CDK6: variants seen among roughly 807,000 people sequenced by gnomAD.
The protein encoded by CDK6 is cyclin dependent kinase 6, also known as cyclin-dependent kinase 6.
A neutral mutation model predicts 37.1 loss-of-function variants in CDK6; 6 were observed. That is an observed-to-expected ratio of 0.16 (90% confidence interval 0.09 to 0.32). The LOEUF is 0.32. CDK6 is among the 10% of genes least tolerant of loss of function. The pLI is 1.00. For synonymous variants in CDK6, 160 were observed against 161.3 expected (o/e 0.99, Z 0.06); for missense variants, 224 against 418.9 (o/e 0.53, Z 4.06).
chr7:92,771,200 C>T (rs1388439167), intron 3 of CDK6, among the ~76,000 whole-genome samples: 3 of 147,506 alleles, frequency 2.0e-5, no homozygotes, highest in African/African-American at 7.5e-5. Flanking sequence ...CGCGCCACTG[C>T]ACTCCAGCCT....
chr7:92,755,997 G>T (rs1312248738), intron 3 of CDK6, among the ~76,000 whole-genome samples: 1 of 152,014 alleles, frequency 6.6e-6, no homozygotes, highest in Non-Finnish European at 1.5e-5. Context: ...ACAACGTTTT[G>T]CAAGGTTGGA....
chr7:92,722,680 A>G (rs1305150681), intron 4 of CDK6, among the ~76,000 whole-genome samples: 3 of 152,228 alleles, frequency 2.0e-5, no homozygotes, highest in Non-Finnish European at 4.4e-5. Flanking sequence ...CATTAAATGT[A>G]TAACATAGCT....
intron 3 of CDK6, among the ~76,000 whole-genome samples, chr7:92,746,512 G>T (rs1562953932): frequency 6.6e-6 from 1 of 152,104 alleles, no homozygotes; most frequent in Non-Finnish European, 1.5e-5. Context: ...TTACCTTCAG[G>T]CTATGTGTAT....
At chr7:92,787,123 C>T (rs574110481) in intron 2 of CDK6, among the ~76,000 whole-genome samples, 57 of 144,476 alleles carry the variant, frequency 3.9e-4, no homozygotes, top group African/African-American at 1.3e-3. Context: ...CGGAGGTTGC[C>T]GTGAGCAGAG....
At chr7:92,684,253 A>T (rs1006124943) in intron 4 of CDK6, among the ~76,000 whole-genome samples, 1 of 152,162 alleles carries the variant, frequency 6.6e-6, no homozygotes, top group African/African-American at 2.4e-5. Flanking sequence ...AGTCTAAATG[A>T]CCTCAGGTCT....
intron 5 of CDK6, among the ~76,000 whole-genome samples, chr7:92,664,283 C>T (rs1486618693): frequency 3.9e-5 from 6 of 152,106 alleles, no homozygotes; most frequent in African/African-American, 1.2e-4. Flanking sequence ...TTTCCATGCA[C>T]GTGTTTCGAC....
intron 2 of CDK6, among the ~76,000 whole-genome samples, chr7:92,814,555 CAAAAAAAA>C (rs201939605): frequency 1.4e-5 from 1 of 70,042 alleles, no homozygotes; most frequent in East Asian, 5.2e-4. Flanking sequence ...AACTGAATTG[CAAAAAAAA>C]AAAAAAAAAA....
chr7:92,772,391 C>T (rs950900695), intron 3 of CDK6, among the ~76,000 whole-genome samples: 1 of 152,070 alleles, frequency 6.6e-6, no homozygotes, highest in African/African-American at 2.4e-5. Flanking sequence ...GAGCCCCTTG[C>T]CCCCAACTCC....
rs189156577 is a variant in CDK6, at chr7:92,779,764, G to T, written c.234-4933C>A. On this transcript the variant is annotated intron_variant, in intron 2 of 7. Transcript: ENST00000424848. ...TGACTTAAATTATGTCTGATTAATG[G>T]TTAGTAAACATTGTACTAAAAATTA... Among the ~76,000 whole-genome samples the T allele has an allele frequency of 1.4e-3, 216 of 152,244 alleles. 3 individuals carry two copies. The South Asian group carries it at 0.019, about 14-fold the overall frequency.
At position 92,788,942 on chromosome 7, in the gene CDK6, C is replaced by A. The variant is rs1006002244; in HGVS notation, c.234-14111G>T. On this transcript the variant is annotated intron_variant, in intron 2 of 7. Coordinates refer to ENST00000424848, the MANE Select transcript of CDK6 (RefSeq NM_001145306.2). ...GACCTGCCTGGGTAACACAAAGAACCCCCTCATCTCTACAAAAGATTTTTT... is the reference window on the plus strand; with the variant it reads ...GACCTGCCTGGGTAACACAAAGAACACCCTCATCTCTACAAAAGATTTTTT... 3.9e-5 allele frequency among the ~76,000 whole-genome samples: 6 copies of A among 152,036 alleles called. No individual in the cohort carries two copies. The East Asian group carries it at 1.2e-3, about 29-fold the overall frequency.
At chr7:92,753,949 A>T (rs540407942) in intron 3 of CDK6, among the ~76,000 whole-genome samples, 2 of 152,296 alleles carry the variant, frequency 1.3e-5, no homozygotes, top group Admixed American at 1.3e-4. Context: ...GAGATCATAG[A>T]CAAGTCCCTA....
chr7:92,808,285 C>T (rs1242833772), intron 2 of CDK6, among the ~76,000 whole-genome samples: 1 of 152,202 alleles, frequency 6.6e-6, no homozygotes, highest in Non-Finnish European at 1.5e-5. Context: ...CAGTCTGAAG[C>T]ATATGCTCCC....
chr7:92,736,899 C>T (rs910672552), intron 3 of CDK6, among the ~76,000 whole-genome samples: 3 of 152,130 alleles, frequency 2.0e-5, no homozygotes, highest in African/African-American at 7.2e-5. Flanking sequence ...ATTCAAGAGA[C>T]AAATGTGATA....
Position 92,614,696 on chromosome 7 carries a change from T to TAC in CDK6, c.*442_*443dup, listed in dbSNP as rs10552976. The TAC allele has an allele frequency of 0.032, 7,391 of 228,532 alleles. 175 individuals carry two copies. Among genetic ancestry groups the TAC allele is most frequent in the Admixed American group, 0.12 (2,018 of 17,472 alleles). The allele number at this position is 228,532 out of a possible 1,614,324, so 14.2% of individuals were successfully genotyped here. On this transcript the variant is annotated 3_prime_UTR_variant, in exon 8 of 8. Transcript: ENST00000424848. ...TTAAAAGATCACAGAATCTCTCACA[T>TAC]ACACACACACACACACACACACACA...
At chr7:92,823,934 T>C (rs764777947) in intron 2 of CDK6, among the ~76,000 whole-genome samples, 1 of 152,120 alleles carries the variant, frequency 6.6e-6, no homozygotes. Context: ...TCCAAAGTGC[T>C]AGAATTACAG....
At chr7:92,640,969 CAAAT>C (rs1468284239) in intron 5 of CDK6, among the ~76,000 whole-genome samples, 1 of 151,982 alleles carries the variant, frequency 6.6e-6, no homozygotes, top group African/African-American at 2.4e-5. Context: ...TATTTAAATA[CAAAT>C]AAATAAGATC....
intron 3 of CDK6, among the ~76,000 whole-genome samples, chr7:92,743,205 A>G (rs145624732): frequency 0.021 from 3,204 of 151,700 alleles, 131 homozygotes; most frequent in African/African-American, 0.074. Context: ...GTGAAACCCC[A>G]TATCTACTAA....
At position 92,833,964 on chromosome 7, in the gene CDK6, C is replaced by T. The variant is rs1801575128; in HGVS notation, c.-367-274G>A. On this transcript the variant is annotated intron_variant, in intron 1 of 7. Coordinates refer to ENST00000424848, the MANE Select transcript of CDK6 (RefSeq NM_001145306.2). The surrounding 1 kb of genome is among the most constrained non-coding windows in gnomAD (Gnocchi z 6.1). The stretch of plus-strand genomic sequence containing the variant: ...GCGAGCGGCGCGGGACGCAGTGGAA[C>T]GGGAGGGGGCGTGCCGAGCAGCCCA... The T allele has an allele frequency of 5.0e-6, 2 of 398,612 alleles. No individual in the cohort carries two copies. Among genetic ancestry groups the T allele is most frequent in the Non-Finnish European group, 8.8e-6 (2 of 226,146 alleles). The allele number at this position is 398,612 out of a possible 1,614,324, so 24.7% of individuals were successfully genotyped here.
intron 6 of CDK6, 82 bp from the exon 7 acceptor site, chr7:92,618,289 A>G: frequency 6.9e-7 from 1 of 1,440,164 alleles, no homozygotes; most frequent in Non-Finnish European, 9.6e-7. Context: ...GAAAGGCAAA[A>G]TCTAAGGGGG....
Sources: allele counts gnomAD v4.1 joint callset (sites outside exome capture counted in the v4.1 genomes callset), GRCh38; gene constraint gnomAD v4.1.1; non-coding constraint Gnocchi (gnomAD v3.1); transcripts MANE v1.5; gene names NCBI Gene and HGNC (gene_info 2026-07-23, HGNC 2026-07-21).